PLS1: variants seen among roughly 807,000 people sequenced by gnomAD.
PLS1 encodes plastin 1.
In PLS1, 32 loss-of-function variants were observed where a neutral mutation model predicts 73.7. The ratio of observed to expected loss-of-function variants is 0.43; its 90% confidence interval spans 0.33 to 0.58. The LOEUF is 0.58. PLS1 is among the 20% of genes least tolerant of loss of function. The pLI, the probability that PLS1 is intolerant of heterozygous loss-of-function variation, is 0.04. For synonymous variants in PLS1, 217 were observed against 261.3 expected, an observed-to-expected ratio of 0.83 and a Z score of 1.63; for missense variants, 633 against 740.5, an observed-to-expected ratio of 0.85 and a Z score of 1.68.
chr3:142,655,180 C>T (rs950745103), intron 1 of PLS1, among the ~76,000 whole-genome samples: 1 of 151,984 alleles, frequency 6.6e-6, no homozygotes, highest in Non-Finnish European at 1.5e-5. Flanking sequence ...GAAATGAAGA[C>T]ACTGAGCAAA....
chr3:142,658,476 CAAA>C (rs56710799), intron 1 of PLS1, among the ~76,000 whole-genome samples: 4 of 99,442 alleles, frequency 4.0e-5, no homozygotes, highest in Non-Finnish European at 2.3e-5. Flanking sequence ...ACTTTGTCTC[CAAA>C]AAAAAAAAAA....
chr3:142,680,282 C>T (rs1212595664), intron 6 of PLS1, among the ~76,000 whole-genome samples: 2 of 152,212 alleles, frequency 1.3e-5, no homozygotes, highest in South Asian at 2.1e-4. Flanking sequence ...TCAGTCTGGT[C>T]TTGAACTAGT....
chr3:142,633,996 G>A (rs535453206), intron 1 of PLS1, among the ~76,000 whole-genome samples: 16 of 152,228 alleles, frequency 1.1e-4, no homozygotes, highest in Middle Eastern at 3.4e-3. Context: ...TTAAGAGACC[G>A]AATTCAAACG....
chr3:142,705,635 AAG>A (rs1484631489), intron 14 of PLS1, among the ~76,000 whole-genome samples: 2 of 152,242 alleles, frequency 1.3e-5, no homozygotes, highest in Non-Finnish European at 2.9e-5. Flanking sequence ...ATAAAGTACA[AAG>A]AGATGAAACA....
chr3:142,614,049 T>C (rs1309900120), intron 1 of PLS1, among the ~76,000 whole-genome samples: 1 of 152,224 alleles, frequency 6.6e-6, no homozygotes, highest in African/African-American at 2.4e-5. Context: ...TTTAAGGAAC[T>C]AGAAATGTTA....
At chr3:142,696,386 T>G (rs2038202928) in intron 11 of PLS1, among the ~76,000 whole-genome samples, 1 of 152,130 alleles carries the variant, frequency 6.6e-6, no homozygotes, top group Non-Finnish European at 1.5e-5. Context: ...AACTGTTACT[T>G]TCAGAAAATT....
At chr3:142,654,478 A>G (rs1345719205) in intron 1 of PLS1, among the ~76,000 whole-genome samples, 2 of 152,106 alleles carry the variant, frequency 1.3e-5, no homozygotes, top group Non-Finnish European at 2.9e-5. Context: ...CCCAAGTAGT[A>G]GGACTATAGG....
At chr3:142,689,442 A>ATAAG in intron 9 of PLS1, among the ~76,000 whole-genome samples, 176 bp from the exon 10 acceptor site, 1 of 151,792 alleles carries the variant, frequency 6.6e-6, no homozygotes, top group East Asian at 1.9e-4. Context: ...AAATAAATAA[A>ATAAG]TAAATAAATA....
chr3:142,628,034 C>G (rs2036467782), intron 1 of PLS1: 1 of 152,166 alleles, frequency 6.6e-6, no homozygotes, highest in Non-Finnish European at 1.5e-5. Context: ...AACCTCTATA[C>G]TGAGTCATCT....
At chr3:142,678,410 T>A (rs1416404785) in intron 6 of PLS1, among the ~76,000 whole-genome samples, 9 of 140,956 alleles carry the variant, frequency 6.4e-5, no homozygotes, top group Admixed American at 7.1e-5. Context: ...CTCCTAAAGC[T>A]ATCCCTCCCC....
chr3:142,640,189 A>G (rs779104998), intron 1 of PLS1, among the ~76,000 whole-genome samples: 19 of 152,218 alleles, frequency 1.2e-4, no homozygotes, highest in Admixed American at 3.9e-4. Flanking sequence ...ATAAGCAAAC[A>G]GTAGGCAGAT....
intron 1 of PLS1, chr3:142,623,461 C>G (rs2036355952): frequency 6.6e-6 from 1 of 152,172 alleles, no homozygotes; most frequent in Non-Finnish European, 1.5e-5. Context: ...CAAACACTAA[C>G]TTTGGCAGAG....
chr3:142,671,255 T>C (rs950995572), intron 4 of PLS1, 133 bp downstream of exon 4: 26 of 750,484 alleles, frequency 3.5e-5, no homozygotes, highest in Non-Finnish European at 1.4e-5. Flanking sequence ...AAAAAAATAC[T>C]GCAGACCACA....
chr3:142,648,799 G>A (rs2037015580), intron 1 of PLS1, among the ~76,000 whole-genome samples: 1 of 152,066 alleles, frequency 6.6e-6, no homozygotes, highest in Non-Finnish European at 1.5e-5. Context: ...CATCCTTCTT[G>A]TTCCCTTTGT....
intron 1 of PLS1, among the ~76,000 whole-genome samples, chr3:142,628,347 ACATGTGCATGCAGTGTGCATGTGT>A (rs1201816009): frequency 7.0e-5 from 2 of 28,506 alleles, no homozygotes; most frequent in African/African-American, 8.7e-4. Context: ...GTGTGCGCGC[ACATGTGCATGCAGTGTGCATGTGT>A]GCGCGCACAT....
rs529515089 is a variant in PLS1 at position 142,622,787 on chromosome 3, A to G, written c.-37+26278A>G. 2.0e-5 allele frequency among the ~76,000 whole-genome samples: 3 copies of G among 152,320 alleles called. No homozygotes were observed. In the South Asian group the frequency reaches 6.2e-4, roughly 32 times the overall value. Reference sequence around the variant, plus strand: ...TATAACATGTTTTCAGTTACTATTCAAAGATAATTTTGGATATTTGCTTGA... The same window carrying G: ...TATAACATGTTTTCAGTTACTATTCGAAGATAATTTTGGATATTTGCTTGA... On this transcript the variant is annotated intron_variant, in intron 1 of 15. Transcript: ENST00000457734.
At chr3:142,652,512 C>A (rs531048225) in intron 1 of PLS1, among the ~76,000 whole-genome samples, 57 of 152,272 alleles carry the variant, frequency 3.7e-4, no homozygotes, top group Non-Finnish European at 5.6e-4. Context: ...GGGAGCAGTG[C>A]CTGTGTCCTC....
chr3:142,665,065 A>G (rs192105744), intron 2 of PLS1, among the ~76,000 whole-genome samples: 87 of 151,972 alleles, frequency 5.7e-4, no homozygotes, highest in African/African-American at 2.1e-3. Flanking sequence ...GGATAATGAC[A>G]CCACTATGTT....
At chr3:142,661,901 C>T (rs1434290427) in intron 1 of PLS1, among the ~76,000 whole-genome samples, 2 of 151,952 alleles carry the variant, frequency 1.3e-5, no homozygotes, top group African/African-American at 2.4e-5. Context: ...TTCTTTTATT[C>T]CTTTACTTTC....
Sources: gnomAD v4.1 joint callset for allele counts (sites outside exome capture counted in the v4.1 genomes callset) on GRCh38, gnomAD v4.1.1 for gene constraint, MANE v1.5 for transcripts, NCBI Gene and HGNC (gene_info 2026-07-23, HGNC 2026-07-21) for gene names.